GRM1: variants seen among roughly 807,000 people sequenced by gnomAD.
GRM1 encodes metabotropic glutamate receptor 1.
In GRM1, 33 loss-of-function variants were observed where a neutral mutation model predicts 90.9. The ratio of observed to expected loss-of-function variants is 0.36; its 90% CI spans 0.28 to 0.49. GRM1 has a LOEUF of 0.49. Among genes scored for constraint, GRM1 ranks in the 20% least tolerant of loss-of-function variants. GRM1 has a pLI of 0.99. For missense variants in GRM1, 1,190 were observed against 1,534.3 expected, an observed-to-expected ratio of 0.78 and a Z score of 3.75; for synonymous variants, 700 against 613.2, an observed-to-expected ratio of 1.14 and a Z score of -2.09.
chr6:146,373,092 A>G (rs1318001690), intron 5 of GRM1, among the ~76,000 whole-genome samples: 1 of 152,104 alleles, frequency 6.6e-6, no homozygotes, highest in East Asian at 1.9e-4. Context: ...TATTCTAATC[A>G]ATTAACATAA....
At chr6:146,143,821 C>T (rs1191608104) in intron 1 of GRM1, among the ~76,000 whole-genome samples, 1 of 152,142 alleles carries the variant, frequency 6.6e-6, no homozygotes, top group African/African-American at 2.4e-5. Context: ...TCATATTGCT[C>T]TAGAATCACC....
intron 3 of GRM1, among the ~76,000 whole-genome samples, chr6:146,307,992 A>C (rs1235822428): frequency 1.3e-5 from 2 of 152,230 alleles, no homozygotes; most frequent in East Asian, 3.8e-4. Flanking sequence ...GCACTAACTG[A>C]AACATCAAAA....
chr6:146,165,934 C>G (rs1162136033), intron 2 of GRM1, among the ~76,000 whole-genome samples: 4 of 151,974 alleles, frequency 2.6e-5, no homozygotes, highest in Admixed American at 6.6e-5. Flanking sequence ...TTTCAGATAC[C>G]GGACATCTGA....
intron 1 of GRM1, among the ~76,000 whole-genome samples, chr6:146,157,954 A>C (rs1368727580): frequency 6.6e-6 from 1 of 152,176 alleles, no homozygotes; most frequent in African/African-American, 2.4e-5. Context: ...GAGAAGAGTA[A>C]GGATGAAATG....
chr6:146,164,864 G>C (rs1777853162), intron 2 of GRM1, among the ~76,000 whole-genome samples: 1 of 151,984 alleles, frequency 6.6e-6, no homozygotes, highest in Non-Finnish European at 1.5e-5. Flanking sequence ...TCTTTGACTA[G>C]ACATACTAGG....
chr6:146,295,930 A>G (rs1001270226), intron 2 of GRM1, among the ~76,000 whole-genome samples: 1 of 151,866 alleles, frequency 6.6e-6, no homozygotes, highest in Non-Finnish European at 1.5e-5. Context: ...CTTTGTGTTC[A>G]TGTGTTATAA....
At position 146,434,679 on chromosome 6, in the gene GRM1, C is replaced by T. The variant is rs762258021; in HGVS notation, c.3468C>T (p.Ala1156=). Residue 1156 remains alanine (A), a synonymous_variant, in exon 8 of 8, where the codon GCC becomes GCT. Transcript: ENST00000282753. ...TPPSPFRDSV[A]SGSSVPSSPV... Reference sequence around the variant, plus strand: ...CGTCGCCTTTCCGCGACTCGGTGGCCTCGGGCAGCTCGGTGCCCAGCTCCC... The same window carrying T: ...CGTCGCCTTTCCGCGACTCGGTGGCTTCGGGCAGCTCGGTGCCCAGCTCCC... The T allele has an allele frequency of 6.2e-7, 1 of 1,605,918 alleles. No individual in the cohort carries two copies. The highest frequency in any genetic ancestry group is 1.7e-5 in the Admixed American group (1 of 60,008).
intron 2 of GRM1, among the ~76,000 whole-genome samples, chr6:146,225,958 T>TA (rs970088081): frequency 3.3e-5 from 5 of 152,188 alleles, no homozygotes; most frequent in African/African-American, 1.2e-4. Context: ...TGCTTTGTTA[T>TA]AACCTGGAAT....
chr6:146,326,035 G>A (rs912908646), intron 3 of GRM1, among the ~76,000 whole-genome samples: 3 of 152,118 alleles, frequency 2.0e-5, no homozygotes, highest in Admixed American at 6.6e-5. Flanking sequence ...ATAAGTGTTG[G>A]ACTCTAAAAT....
intron 1 of GRM1, among the ~76,000 whole-genome samples, chr6:146,124,637 G>T (rs1320626174): frequency 6.6e-6 from 1 of 151,678 alleles, no homozygotes; most frequent in Non-Finnish European, 1.5e-5. Context: ...ACTACAATAT[G>T]GTACAACCAT....
At chr6:146,240,411 G>A (rs1005985385) in intron 2 of GRM1, among the ~76,000 whole-genome samples, 3 of 151,608 alleles carry the variant, frequency 2.0e-5, no homozygotes, top group African/African-American at 7.3e-5. Flanking sequence ...CCAGACCAAG[G>A]GGTCAGAGTG....
chr6:146,184,376 G>A (rs1335526491), intron 2 of GRM1, among the ~76,000 whole-genome samples: 1 of 151,770 alleles, frequency 6.6e-6, no homozygotes, highest in African/African-American at 2.4e-5. Flanking sequence ...ACAATCCATT[G>A]TTCTATTGTT....
chr6:146,272,723 A>G (rs1009510729), intron 2 of GRM1, among the ~76,000 whole-genome samples: 2 of 152,188 alleles, frequency 1.3e-5, no homozygotes, highest in South Asian at 2.1e-4. Flanking sequence ...GGGAATTTCT[A>G]CTGGGGTCAA....
In GRM1 at chr6:146,407,035, G is replaced by A. The variant is rs543699984; in HGVS notation, c.2660+7336G>A. Among the ~76,000 whole-genome samples, 38 of 152,280 alleles carry A rather than the reference G, an allele frequency of 2.5e-4. No individual in the cohort carries two copies. The East Asian group carries it at 3.9e-3, about 15-fold the overall frequency. On this transcript the variant is annotated intron_variant, in intron 7 of 7. Transcript: ENST00000282753. ...TAGGTGGCCAGCGCAAGGATATTTC[G>A]TTTGAGGTAAAGTCCTGTGCTCCTC...
At chr6:146,039,980 G>C (rs1432669732) in intron 1 of GRM1, among the ~76,000 whole-genome samples, 2 of 152,000 alleles carry the variant, frequency 1.3e-5, no homozygotes, top group Admixed American at 1.3e-4. Context: ...GATCTGGAAA[G>C]AGAGTTATAT....
chr6:146,261,493 GAA>G (rs1346035516), intron 2 of GRM1, among the ~76,000 whole-genome samples: 1 of 151,706 alleles, frequency 6.6e-6, no homozygotes, highest in African/African-American at 2.4e-5. Context: ...TTAACATGGA[GAA>G]AAAAAATCAA....
chr6:146,109,217 C>G (rs571531599), intron 1 of GRM1, among the ~76,000 whole-genome samples: 20 of 152,302 alleles, frequency 1.3e-4, no homozygotes, highest in African/African-American at 4.3e-4. Flanking sequence ...GGCAGCCCCC[C>G]CAATCACAGT....
intron 2 of GRM1, among the ~76,000 whole-genome samples, chr6:146,290,547 A>C (rs534601450): frequency 6.6e-6 from 1 of 152,264 alleles, no homozygotes; most frequent in Non-Finnish European, 1.5e-5. Context: ...AACCATAGGG[A>C]ATTATTCCCA....
chr6:146,221,441 C>A (rs1309700163), intron 2 of GRM1, among the ~76,000 whole-genome samples: 1 of 152,124 alleles, frequency 6.6e-6, no homozygotes, highest in African/African-American at 2.4e-5. Context: ...TGAGAACATG[C>A]AGTCTTTGGT....
Sources: allele counts gnomAD v4.1 joint callset (sites outside exome capture counted in the v4.1 genomes callset), GRCh38; gene constraint gnomAD v4.1.1; transcripts MANE v1.5; gene names NCBI Gene and HGNC (gene_info 2026-07-23, HGNC 2026-07-21).